PCAT7: variants seen among roughly 807,000 people sequenced by gnomAD.
PCAT7 encodes prostate cancer associated transcript 7 (non-protein coding).
intron 1 of PCAT7, among the ~76,000 whole-genome samples, chr9:94,556,092 G>T (rs915043675): frequency 2.6e-5 from 4 of 151,004 alleles, no homozygotes; most frequent in South Asian, 2.1e-4. Flanking sequence ...AGAAGGGAAG[G>T]AGAGTGGCAA....
At chr9:94,556,451 G>T (rs1827013945) in intron 1 of PCAT7, among the ~76,000 whole-genome samples, 1 of 152,134 alleles carries the variant, frequency 6.6e-6, no homozygotes, top group African/African-American at 2.4e-5. Context: ...AAAGGGTGGT[G>T]AGAGGGAGAG....
chr9:94,563,883 AAAG>A (rs1234669823), intron 2 of PCAT7, among the ~76,000 whole-genome samples: 2 of 152,204 alleles, frequency 1.3e-5, no homozygotes, highest in Non-Finnish European at 2.9e-5. Context: ...AAAGTTCAAA[AAAG>A]ACGAAAAGGA....
intron 2 of PCAT7, chr9:94,571,363 G>A (rs1827266544): frequency 5.5e-6 from 7 of 1,265,730 alleles, no homozygotes; most frequent in Non-Finnish European, 6.4e-6. Flanking sequence ...CCCAAAACAA[G>A]TATTAGGAAT....
At chr9:94,564,817 G>A (rs1047510270) in intron 2 of PCAT7, among the ~76,000 whole-genome samples, 6 of 152,100 alleles carry the variant, frequency 3.9e-5, no homozygotes, top group Non-Finnish European at 7.4e-5. Context: ...TAAAATAAAA[G>A]TGTAGAAAAT....
intron 1 of PCAT7, among the ~76,000 whole-genome samples, chr9:94,558,284 A>G (rs1030656267): frequency 2.6e-5 from 4 of 152,082 alleles, no homozygotes; most frequent in Non-Finnish European, 4.4e-5. Flanking sequence ...TTTCAAGCCA[A>G]TCAAGACAAT....
At chr9:94,554,802 C>G (rs548095358), upstream of PCAT7, among the ~76,000 whole-genome samples, 1 of 152,208 alleles carries the variant, frequency 6.6e-6, no homozygotes, top group Admixed American at 6.5e-5. Flanking sequence ...AAGCTCCAGG[C>G]TCCAGGGGGC....
At chr9:94,567,215 A>T in intron 2 of PCAT7, 1 of 1,600,074 alleles carries the variant, frequency 6.2e-7, no homozygotes, top group Non-Finnish European at 8.5e-7. Flanking sequence ...CCACCCAAAC[A>T]GGACCCCATG....
intron 2 of PCAT7, chr9:94,563,407 GCACGTCAGCCAC>G (rs1564179721): frequency 1.2e-6 from 2 of 1,613,996 alleles, no homozygotes; most frequent in South Asian, 2.2e-5. Flanking sequence ...AGGGTGCGGT[GCACGTCAGCCAC>G]CATGGAGCCC....
intron 2 of PCAT7, among the ~76,000 whole-genome samples, chr9:94,559,911 T>C (rs1289872358): frequency 6.6e-6 from 1 of 152,096 alleles, no homozygotes; most frequent in Non-Finnish European, 1.5e-5. Flanking sequence ...AAGGATCGCT[T>C]GAGTCCAGGC....
chr9:94,558,818 T>A (rs1260723289), intron 1 of PCAT7: 4 of 905,370 alleles, frequency 4.4e-6, no homozygotes, highest in Non-Finnish European at 7.0e-6. Context: ...TGCTCTTCTG[T>A]ATGTGATTAA....
At chr9:94,567,962 A>G (rs478604) in intron 2 of PCAT7, 73,760 of 151,858 alleles carry the variant, frequency 0.49, 18,523 homozygotes, top group African/African-American at 0.6. Context: ...CCCCGTCTTT[A>G]CTAAATATAC....
intron 2 of PCAT7, chr9:94,571,579 T>A: frequency 6.2e-7 from 1 of 1,613,574 alleles, no homozygotes; most frequent in Non-Finnish European, 8.5e-7. Flanking sequence ...GGGCATCCTT[T>A]TCAGAAGGCT....
intron 2 of PCAT7, among the ~76,000 whole-genome samples, chr9:94,561,863 T>A (rs749813137): frequency 7.2e-5 from 11 of 152,112 alleles, no homozygotes; most frequent in Non-Finnish European, 1.6e-4. Context: ...CAAACGCAGA[T>A]CTATCTATGG....
intron 2 of PCAT7, chr9:94,568,744 C>T (rs1425626499): frequency 6.6e-6 from 1 of 152,216 alleles, no homozygotes; most frequent in Non-Finnish European, 1.5e-5. Flanking sequence ...CTAAACAATC[C>T]TTTCCTGCCT....
At position 94,562,696 on chromosome 9, in the gene PCAT7, T is replaced by C. The variant is rs144057380; in HGVS notation, n.441+3544T>C. Among the ~76,000 whole-genome samples the C allele has an allele frequency of 1.2e-3, 178 of 152,328 alleles. 2 individuals are homozygous for C. In the East Asian group the frequency reaches 0.03, roughly 26 times the overall value. The stretch of plus-strand genomic sequence containing the variant: ...TTTCTGTGATTGGCTAAAATTCAGA[T>C]GCATTTTTATGGGAGGTTCTCTGCA... On this transcript the variant is annotated intron_variant and non_coding_transcript_variant, in intron 2 of 8. Transcript: ENST00000647389.
chr9:94,570,926 C>A (rs1389400671), intron 2 of PCAT7: 6 of 152,202 alleles, frequency 3.9e-5, no homozygotes, highest in African/African-American at 9.7e-5. Flanking sequence ...AGCTGTAAAT[C>A]AAAAACTTAA....
chr9:94,566,351 T>C (rs514561), intron 2 of PCAT7, among the ~76,000 whole-genome samples: 140,639 of 152,336 alleles, frequency 0.92, 65,004 homozygotes, highest in African/African-American at 0.95. Flanking sequence ...CCGCCCAGGG[T>C]GGAAAACCGC....
intron 2 of PCAT7, among the ~76,000 whole-genome samples, chr9:94,566,422 C>T (rs1827190732): frequency 6.6e-6 from 1 of 152,268 alleles, no homozygotes; most frequent in African/African-American, 2.4e-5. Flanking sequence ...AGGACATGCT[C>T]CTGCTGCAGT....
chr9:94,569,882 A>T (rs1564182790), intron 2 of PCAT7: 2 of 152,252 alleles, frequency 1.3e-5, no homozygotes, highest in Non-Finnish European at 2.9e-5. Flanking sequence ...CCACCAGGGA[A>T]TGCTGCCTCC....
Sources: allele counts gnomAD v4.1 joint callset (sites outside exome capture counted in the v4.1 genomes callset), GRCh38; gene constraint gnomAD v4.1.1; transcripts MANE v1.5; gene names NCBI Gene and HGNC (gene_info 2026-07-23, HGNC 2026-07-21).